ACTC1: variants seen among roughly 807,000 people sequenced by gnomAD.
ACTC1 encodes the protein actin alpha cardiac muscle 1, also known as actin, alpha cardiac muscle 1.
A neutral mutation model predicts 31.6 loss-of-function variants in ACTC1; 10 were observed. The ratio of observed to expected loss-of-function variants is 0.32; its 90% CI spans 0.19 to 0.54. ACTC1 has a LOEUF of 0.54. ACTC1 is among the 20% of genes least tolerant of loss of function. The pLI, the probability that ACTC1 is intolerant of heterozygous loss-of-function variation, is 0.95. For synonymous variants in ACTC1, 196 were observed against 185.0 expected, an observed-to-expected ratio of 1.06 and a Z score of -0.48; for missense variants, 129 against 506.4, an observed-to-expected ratio of 0.25 and a Z score of 7.15.
chr15:34,794,713 G>T lies in ACTC1; in HGVS notation c.96C>A (p.Val32=). The change falls in exon 2 of 7, where the codon GTC becomes GTA. Residue 32 remains valine (V), a synonymous_variant. Coordinates refer to ENST00000290378, the MANE Select transcript of ACTC1 (RefSeq NM_005159.5). Reference sequence around the variant, plus strand: ...GCGGGCGGCCCACGATGGACGGGAAGACAGCGCGGGGCGCGTCATCGCCCG... The same window carrying T: ...GCGGGCGGCCCACGATGGACGGGAATACAGCGCGGGGCGCGTCATCGCCCG... ...GFAGDDAPRA[V]FPSIVGRPRH... 6.2e-7 allele frequency: 1 copy of T among 1,613,050 alleles called. No individual in the cohort carries two copies. Among genetic ancestry groups the T allele is most frequent in the African/African-American group, 1.3e-5 (1 of 75,058 alleles).
Position 34,793,140 on chromosome 15 carries a change from G to A in ACTC1, c.454+105C>T. 8.5e-7 allele frequency: 1 copy of A among 1,182,526 alleles called. No individual in the cohort carries two copies. The highest frequency in any genetic ancestry group is 2.4e-5 in the East Asian group (1 of 42,126). The allele number at this position is 1,182,526 out of a possible 1,614,324, so 73.3% of individuals were successfully genotyped here. The stretch of plus-strand genomic sequence containing the variant: ...TTAGCACAGACCTTGCTAGGGAATG[G>A]GAGGAAAGGGATTATCCCTTTTTCA... On this transcript the variant is annotated intron_variant, in intron 3 of 6. Transcript: ENST00000290378. The surrounding 1 kb of genome is among the most constrained non-coding windows in gnomAD (Gnocchi z 4.8).
rs773272217 is a variant in ACTC1, at chr15:34,794,813, G to A, written c.-5C>T. The A allele has an allele frequency of 1.2e-6, 2 of 1,613,050 alleles. No individual in the cohort carries two copies. The highest frequency in any genetic ancestry group is 1.7e-6 in the Non-Finnish European group (2 of 1,179,336). On this transcript the variant is annotated 5_prime_UTR_variant, in exon 2 of 7. Coordinates refer to ENST00000290378, the MANE Select transcript of ACTC1 (RefSeq NM_005159.5). ...GGTCTCCTCGTCGTCACACATCTTGGCACAGCTTCAGGGGGTTCTGCAGGT... is the reference window on the plus strand; with the variant it reads ...GGTCTCCTCGTCGTCACACATCTTGACACAGCTTCAGGGGGTTCTGCAGGT...
rs145818722 is a variant in ACTC1 at position 34,790,803 on chromosome 15, G to A, written c.991-248C>T. ...CTCCACTTACCTAGAGTGTAATTTGGCAACAAGCTAAATGTGTAGTGGAGC... is the reference window on the plus strand; with the variant it reads ...CTCCACTTACCTAGAGTGTAATTTGACAACAAGCTAAATGTGTAGTGGAGC... On this transcript the variant is annotated intron_variant, in intron 6 of 6. Transcript: ENST00000290378. Among the ~76,000 whole-genome samples the A allele has an allele frequency of 5.3e-5, 8 of 152,182 alleles. No individual in the cohort carries two copies. The East Asian group carries it at 1.5e-3, about 29-fold the overall frequency.
rs376724957 is a variant in ACTC1, at chr15:34,792,075, G to C, written c.808+15C>G. ...CAGGGAAAATCGTGCCTCTGCACCA[G>C]ACCCTACAACTCACCAATGAAGGAG... On this transcript the variant is annotated intron_variant, in intron 5 of 6. Transcript: ENST00000290378. This position sits in a 1 kb window ranked among gnomAD's most constrained non-coding sequence, Gnocchi z 5.3. 3 of 1,613,846 alleles carry C rather than the reference G, an allele frequency of 1.9e-6. No individual in the cohort carries two copies. The highest frequency in any genetic ancestry group is 2.5e-6 in the Non-Finnish European group (3 of 1,179,976).
At chr15:34,794,854 G>T (rs779813808) in intron 1 of ACTC1, 24 bp from the exon 2 acceptor site, 1 of 1,602,822 alleles carries the variant, frequency 6.2e-7, no homozygotes, top group Non-Finnish European at 8.5e-7. Context: ...AGGGGAGGGC[G>T]GACCACGCTT....
At chr15:34,794,442 G>A (rs1891771846) in intron 2 of ACTC1, among the ~76,000 whole-genome samples, 1 of 152,240 alleles carries the variant, frequency 6.6e-6, no homozygotes, top group Non-Finnish European at 1.5e-5. Flanking sequence ...AGAGAAGCAG[G>A]TGGCTTTCAC....
chr15:34,791,537 C>T (rs188299421), intron 5 of ACTC1, among the ~76,000 whole-genome samples: 2 of 152,268 alleles, frequency 1.3e-5, no homozygotes, highest in African/African-American at 4.8e-5. Context: ...GCACCTGTTT[C>T]AAGTAAACAC....
chr15:34,795,052 C>A (rs1319093497), intron 1 of ACTC1, among the ~76,000 whole-genome samples: 1 of 152,130 alleles, frequency 6.6e-6, no homozygotes, highest in East Asian at 1.9e-4. Context: ...TCCACCCAGG[C>A]TCCCTGGCCA....
Position 34,794,797 on chromosome 15 carries a change from G to A in ACTC1, c.12C>T (p.Asp4=), listed in dbSNP as rs768526036. The change falls in exon 2 of 7, where the codon GAC becomes GAT. Residue 4 remains aspartate, a synonymous_variant. Transcript: ENST00000290378. The part of the protein sequence containing the change: MCD[D]EETTALVCDN... ...CGCACACCAGGGCGGTGGTCTCCTC[G>A]TCGTCACACATCTTGGCACAGCTTC... The A allele has an allele frequency of 7.4e-6, 12 of 1,613,386 alleles. No homozygotes were observed. The highest frequency in any genetic ancestry group is 1.6e-4 in the Middle Eastern group (1 of 6,084).
At position 34,792,915 on chromosome 15, in the gene ACTC1, C is replaced by T. The variant is rs1891735454; in HGVS notation, c.454+330G>A. ...CGTTTCTCTCTCTTTTGACTCAGAC[C>T]CTGTATGGAATGTATTCTCCTTGGG... On this transcript the variant is annotated intron_variant, in intron 3 of 6. Transcript: ENST00000290378. The surrounding 1 kb of genome is among the most constrained non-coding windows in gnomAD (Gnocchi z 5.3). The T allele has an allele frequency of 3.9e-6, 2 of 509,386 alleles. No individual in the cohort carries two copies. The highest frequency in any genetic ancestry group is 2.1e-5 in the South Asian group (1 of 47,058). The allele number at this position is 509,386 out of a possible 1,614,324, so 31.6% of individuals were successfully genotyped here. A position where few individuals can be genotyped will look rare whatever the true frequency, so the allele number is the denominator to read the frequency against.
intron 2 of ACTC1, among the ~76,000 whole-genome samples, chr15:34,794,164 C>T (rs1595761719): frequency 6.6e-6 from 1 of 152,168 alleles, no homozygotes; most frequent in East Asian, 1.9e-4. Context: ...GGTGGTATGT[C>T]ACTATCACCA....
At chr15:34,790,997 A>T in intron 6 of ACTC1, 117 bp downstream of exon 6, 1 of 983,760 alleles carries the variant, frequency 1.0e-6, no homozygotes, top group African/African-American at 1.6e-5. Context: ...AGAAAAGCTA[A>T]CAGGTAAAGT....
At chr15:34,790,657 A>G (rs1891685537) in intron 6 of ACTC1, 102 bp from the exon 7 acceptor site, 1 of 1,367,004 alleles carries the variant, frequency 7.3e-7, no homozygotes. Flanking sequence ...TTAGATATTA[A>G]TTCGCTATAA....
rs1295700360 is a variant in ACTC1, at chr15:34,790,325, T to C, written c.*87A>G. 2.1e-5 allele frequency: 32 copies of C among 1,508,244 alleles called. No homozygotes were observed. The highest frequency in any genetic ancestry group is 2.5e-5 in the Non-Finnish European group (27 of 1,086,194). 93.4% of individuals were successfully genotyped at this position (1,508,244 alleles called of 1,614,324 possible). ...TGTAAACAAACTGTACAATGATTGA[T>C]GAAAGATGAGGGAAGGTGGTTTGGA... is the stretch of plus-strand genomic sequence containing the variant. On this transcript the variant is annotated 3_prime_UTR_variant, in exon 7 of 7. Coordinates refer to ENST00000290378, the MANE Select transcript of ACTC1 (RefSeq NM_005159.5).
At position 34,792,910 on chromosome 15, in the gene ACTC1, CA is replaced by C. The variant is rs1891735397; in HGVS notation, c.454+334del. 5.9e-6 allele frequency: 3 copies of C among 509,072 alleles called. No individual in the cohort carries two copies. In the South Asian group the frequency reaches 6.3e-5, roughly 11 times the overall value. The allele number at this position is 509,072 out of a possible 1,614,324, so 31.5% of individuals were successfully genotyped here. ...TTACACGTTTCTCTCTCTTTTGACT[CA>C]GACCCTGTATGGAATGTATTCTCCT... On this transcript the variant is annotated intron_variant, in intron 3 of 6. Coordinates refer to ENST00000290378, the MANE Select transcript of ACTC1 (RefSeq NM_005159.5). This position sits in a 1 kb window ranked among gnomAD's most constrained non-coding sequence, Gnocchi z 5.3.
intron 5 of ACTC1, 147 bp downstream of exon 5, chr15:34,791,943 C>A (rs995724993): frequency 5.3e-6 from 4 of 751,320 alleles, no homozygotes; most frequent in African/African-American, 5.3e-5. Flanking sequence ...CTTTAATGAG[C>A]CATCAGGACT....
rs1046998236 is a variant in ACTC1 at position 34,792,581 on chromosome 15, A to G, written c.455-12T>C. 5 of 1,614,038 alleles carry G rather than the reference A, an allele frequency of 3.1e-6. No individual in the cohort carries two copies. The African/African-American group carries it at 6.7e-5, about 22-fold the overall frequency. Reference sequence around the variant, plus strand: ...GTCCAGAACAATGCCTGCCCGGGGAAGTAGACAAGAACAAGGTAAATTCCT... The same window carrying G: ...GTCCAGAACAATGCCTGCCCGGGGAGGTAGACAAGAACAAGGTAAATTCCT... On this transcript the variant is annotated splice_polypyrimidine_tract_variant and intron_variant, in intron 3 of 6. Transcript: ENST00000290378. The surrounding 1 kb of genome is among the most constrained non-coding windows in gnomAD (Gnocchi z 5.3).
chr15:34,795,516 G>GCGGGT lies in ACTC1; in HGVS notation c.-38_-34dup, dbSNP rs1214046003. The stretch of plus-strand genomic sequence containing the variant: ...CGGGCGCTGACTCACCGTCGGCGGG[G>GCGGGT]CGGGTCGGCTCGGCTCCGGCGGCAG... On this transcript the variant is annotated 5_prime_UTR_variant, in exon 1 of 7. Transcript: ENST00000290378. 4.6e-5 allele frequency: 7 copies of GCGGGT among 152,874 alleles called. No individual in the cohort carries two copies. Among genetic ancestry groups the GCGGGT allele is most frequent in the African/African-American group, 1.7e-4 (7 of 41,422 alleles). The allele number at this position is 152,874 out of a possible 1,614,324, so 9.5% of individuals were successfully genotyped here.
intron 2 of ACTC1, 132 bp downstream of exon 2, chr15:34,794,548 T>G: frequency 7.5e-7 from 1 of 1,327,768 alleles, no homozygotes. Flanking sequence ...TGGCTTGGAT[T>G]TGAAGTCAAT....
Sources: allele counts gnomAD v4.1 joint callset (sites outside exome capture counted in the v4.1 genomes callset), GRCh38; gene constraint gnomAD v4.1.1; non-coding constraint Gnocchi (gnomAD v3.1); transcripts MANE v1.5; gene names NCBI Gene and HGNC (gene_info 2026-07-23, HGNC 2026-07-21).